The following GLRA2 variants were observed in gnomAD, a reference collection of about 807,000 sequenced individuals.
The protein encoded by GLRA2 is glycine receptor subunit alpha-2.
Under a neutral mutation model 31.6 loss-of-function variants are expected in GLRA2, and 11 were observed. The observed-to-expected ratio is 0.35, with a 90% CI of 0.22 to 0.58. GLRA2 has a LOEUF of 0.58. Among genes scored for constraint, GLRA2 ranks in the 20% least tolerant of loss-of-function variants. The pLI, the probability that GLRA2 is intolerant of heterozygous loss-of-function variation, is 0.84. For missense variants in GLRA2, 212 were observed against 351.8 expected, an observed-to-expected ratio of 0.60 and a Z score of 3.18; for synonymous variants, 132 against 134.0, an observed-to-expected ratio of 0.99 and a Z score of 0.10.
Position 14,622,932 on chromosome X carries a change from C to A in GLRA2, c.930+13727C>A, listed in dbSNP as rs751948773. On this transcript the variant is annotated intron_variant, in intron 7 of 8. Coordinates refer to ENST00000218075, the MANE Select transcript of GLRA2 (RefSeq NM_002063.4). ...GGGATGGCATTGAATCTATAAATTACCTTGGGCAGTATGGCCATTTTCACA... is the reference window on the plus strand; with the variant it reads ...GGGATGGCATTGAATCTATAAATTAACTTGGGCAGTATGGCCATTTTCACA... Among the ~76,000 whole-genome samples, 350 of 111,779 alleles carry A rather than the reference C, an allele frequency of 3.1e-3. 2 individuals are homozygous for A. The highest frequency in any genetic ancestry group is 0.011 in the African/African-American group (344 of 30,751).
intron 3 of GLRA2, among the ~76,000 whole-genome samples, chrX:14,575,245 G>C (rs2089940258): frequency 9.3e-6 from 1 of 107,474 alleles, no homozygotes; most frequent in Non-Finnish European, 1.9e-5. Flanking sequence ...CTGTCACCCG[G>C]GCTGGAGTGC....
chrX:14,591,604 G>T (rs2090146399), intron 4 of GLRA2, among the ~76,000 whole-genome samples: 1 of 111,939 alleles, frequency 8.9e-6, no homozygotes, highest in African/African-American at 3.3e-5. Context: ...GATTGAGGGT[G>T]GGTCTGCCTC....
chrX:14,555,490 G>T (rs1001560342), intron 2 of GLRA2, among the ~76,000 whole-genome samples: 16 of 111,536 alleles, frequency 1.4e-4, no homozygotes, highest in African/African-American at 4.6e-4. Context: ...TACTGGTAAA[G>T]GATGATGTTA....
chrX:14,486,224 C>A, the GLRA2 span, among the ~76,000 whole-genome samples: 2 of 110,850 alleles, frequency 1.8e-5, no homozygotes, highest in Non-Finnish European at 3.8e-5. Context: ...AATTTGTATC[C>A]CCATCTTACA....
intron 2 of GLRA2, among the ~76,000 whole-genome samples, chrX:14,544,040 T>C (rs1251276937): frequency 9.0e-6 from 1 of 111,572 alleles, no homozygotes; most frequent in Non-Finnish European, 1.9e-5. Context: ...AAGAGAATAT[T>C]CATAAGAGTG....
chrX:14,574,939 ATTTTTAAGATAGTTGAGCCTCCCT>A (rs1385061507), intron 3 of GLRA2, among the ~76,000 whole-genome samples: 7 of 110,759 alleles, frequency 6.3e-5, no homozygotes, highest in African/African-American at 9.9e-5. Context: ...ATGTAATGGA[ATTTTTAAGATAGTTGAGCCTCCCT>A]TCGATGCCAC....
chrX:14,652,764 T>C (rs1343066241), intron 7 of GLRA2, among the ~76,000 whole-genome samples: 5 of 111,309 alleles, frequency 4.5e-5, no homozygotes, highest in African/African-American at 3.3e-5. Flanking sequence ...CCCTATACCC[T>C]GAGACACAGC....
chrX:14,550,203 G>A (rs1263588800), intron 2 of GLRA2, among the ~76,000 whole-genome samples: 1 of 108,859 alleles, frequency 9.2e-6, no homozygotes, highest in Admixed American at 9.9e-5. Context: ...TAAAAGATTG[G>A]TGCCAAAGAG....
chrX:14,572,817 A>G (rs2089901212), intron 2 of GLRA2, among the ~76,000 whole-genome samples: 1 of 112,337 alleles, frequency 8.9e-6, no homozygotes, highest in Non-Finnish European at 1.9e-5. Flanking sequence ...GCCCTCTCAA[A>G]TGAATGAGTT....
At chrX:14,507,338 T>A in the GLRA2 span, among the ~76,000 whole-genome samples, 7 of 112,271 alleles carry the variant, frequency 6.2e-5, no homozygotes, top group Admixed American at 9.5e-5. Context: ...AAATCTCACT[T>A]TTTTAGCCGT....
chrX:14,475,644 T>G, the GLRA2 span, among the ~76,000 whole-genome samples: 1 of 111,263 alleles, frequency 9.0e-6, no homozygotes, highest in Non-Finnish European at 1.9e-5. Flanking sequence ...TTTGCAACTT[T>G]CCTACCTCTA....
At chrX:14,673,435 T>C (rs1313515462) in intron 7 of GLRA2, among the ~76,000 whole-genome samples, 1 of 111,937 alleles carries the variant, frequency 8.9e-6, no homozygotes, top group Non-Finnish European at 1.9e-5. Flanking sequence ...ACATAGTCAC[T>C]TAACACAGGT....
the GLRA2 span, among the ~76,000 whole-genome samples, chrX:14,489,413 G>A: frequency 9.0e-6 from 1 of 111,552 alleles, no homozygotes; most frequent in Admixed American, 9.5e-5. Context: ...TTGTCACATG[G>A]CCATGAAAAT....
chrX:14,523,391 A>G, the GLRA2 span, among the ~76,000 whole-genome samples: 14 of 112,072 alleles, frequency 1.2e-4, no homozygotes, highest in African/African-American at 4.5e-4. Flanking sequence ...CTTTCTCCAT[A>G]TCAGCGATAA....
the GLRA2 span, among the ~76,000 whole-genome samples, chrX:14,509,882 T>C: frequency 9.0e-6 from 1 of 111,381 alleles, no homozygotes; most frequent in Non-Finnish European, 1.9e-5. Flanking sequence ...GCAGAAAAAA[T>C]GTGTGCTAGA....
At chrX:14,584,610 C>T (rs1049994926) in intron 4 of GLRA2, among the ~76,000 whole-genome samples, 10 of 112,223 alleles carry the variant, frequency 8.9e-5, no homozygotes, top group African/African-American at 2.9e-4. Flanking sequence ...TAAAAAGCGG[C>T]AAAGTCACTG....
At chrX:14,708,701 C>T (rs764905559) in intron 8 of GLRA2, among the ~76,000 whole-genome samples, 2 of 111,665 alleles carry the variant, frequency 1.8e-5, no homozygotes, top group Non-Finnish European at 3.8e-5. Context: ...CTTTGGGAGG[C>T]CGAGGTGGGC....
intron 7 of GLRA2, among the ~76,000 whole-genome samples, chrX:14,643,546 A>G (rs770659561): frequency 8.9e-6 from 1 of 112,069 alleles, no homozygotes; most frequent in Non-Finnish European, 1.9e-5. Context: ...GCTCATAATT[A>G]TTGCAATATA....
chrX:14,555,794 C>T lies in GLRA2; in HGVS notation c.203-18539C>T, dbSNP rs1255126052. ...AAATGCCTTAAAAGTTGTTCTGAAT[C>T]AGATTTCCTGGGATGCCACTAAAAG... is the stretch of plus-strand genomic sequence containing the variant. On this transcript the variant is annotated intron_variant, in intron 2 of 8. Transcript: ENST00000218075. Among the ~76,000 whole-genome samples, 5 of 111,995 alleles carry T rather than the reference C, an allele frequency of 4.5e-5. No individual in the cohort carries two copies. The South Asian group carries it at 1.5e-3, about 34-fold the overall frequency.
Sources: allele counts gnomAD v4.1 joint callset (sites outside exome capture counted in the v4.1 genomes callset), GRCh38; gene constraint gnomAD v4.1.1; transcripts MANE v1.5; gene names NCBI Gene and HGNC (gene_info 2026-07-23, HGNC 2026-07-21).